ACVR2B: variants seen among roughly 807,000 people sequenced by gnomAD.
ACVR2B encodes activin receptor type-2B.
In ACVR2B, 18 loss-of-function variants were observed where a neutral mutation model predicts 65.1. The observed-to-expected ratio is 0.28, with a 90% CI of 0.19 to 0.41. ACVR2B has a LOEUF of 0.41. ACVR2B is among the 10% of genes least tolerant of loss of function. ACVR2B has a pLI of 1.00. For missense variants in ACVR2B, 482 were observed against 682.7 expected, an observed-to-expected ratio of 0.71 and a Z score of 3.28; for synonymous variants, 298 against 277.7, an observed-to-expected ratio of 1.07 and a Z score of -0.73.
chr3:38,467,780 T>G (rs1575582179), intron 1 of ACVR2B, among the ~76,000 whole-genome samples: 1 of 149,950 alleles, frequency 6.7e-6, no homozygotes, highest in Admixed American at 6.6e-5. Flanking sequence ...CATGGAATAA[T>G]AGAGAATTCT....
chr3:38,479,699 A>G lies in ACVR2B; in HGVS notation c.832A>G (p.Lys278Glu). Residue 278 changes from lysine to glutamate, a missense_variant, in exon 7 of 11, where the codon AAG (lysine) becomes GAG (glutamate). Physicochemically the swap from Lys to Glu is moderately conservative, Grantham distance 56. Transcript: ENST00000352511. ...TCAGGGCTCCCTCACGGATTACCTC[A>G]AGGGGAACATCATCACATGGAACGA... ...HDKGSLTDYL[K>E]GNIITWNELC... 1 of 1,614,194 alleles carries G rather than the reference A, an allele frequency of 6.2e-7. No homozygotes were observed.
intron 1 of ACVR2B, among the ~76,000 whole-genome samples, chr3:38,468,614 A>G (rs1709770996): frequency 6.6e-6 from 1 of 152,064 alleles, no homozygotes; most frequent in East Asian, 1.9e-4. Context: ...CTTTAGACTC[A>G]TTTTTACCCC....
intron 1 of ACVR2B, among the ~76,000 whole-genome samples, chr3:38,464,264 G>C (rs994224319): frequency 9.9e-5 from 15 of 152,230 alleles, no homozygotes; most frequent in African/African-American, 3.6e-4. Context: ...TGGTGTCTCT[G>C]TTGTTCTTGC....
chr3:38,478,532 G>GGGCTCC lies in ACVR2B; in HGVS notation c.666+15_666+20dup, dbSNP rs1709956689. Reference sequence around the variant, plus strand: ...TTCCCACTCCAGGTGAGTGTTTGAGGGGCTCCATCCAGGTCCTCTGCCTCC... The same window carrying GGGCTCC: ...TTCCCACTCCAGGTGAGTGTTTGAGGGGCTCCGGCTCCATCCAGGTCCTCTGCCTCC... On this transcript the variant is annotated intron_variant, in intron 5 of 10. Transcript: ENST00000352511. 2 of 1,613,920 alleles carry GGGCTCC rather than the reference G, an allele frequency of 1.2e-6. No individual in the cohort carries two copies. Among genetic ancestry groups the GGGCTCC allele is most frequent in the Admixed American group, 1.7e-5 (1 of 60,000 alleles).
At chr3:38,455,263 C>A (rs1395404431) in intron 1 of ACVR2B, among the ~76,000 whole-genome samples, 1 of 152,078 alleles carries the variant, frequency 6.6e-6, no homozygotes, top group Non-Finnish European at 1.5e-5. Context: ...GTGCGCCTAA[C>A]CCCGGCGGGC....
Position 38,485,708 on chromosome 3 carries a change from G to A in ACVR2B, c.*2376G>A, listed in dbSNP as rs1321032500. ...TTTTTTTTTTTAATGGTTTGATTTT[G>A]TGCTGTGGTATTTTTTTTCCCTTAG... is the stretch of plus-strand genomic sequence containing the variant. On this transcript the variant is annotated 3_prime_UTR_variant, in exon 11 of 11. Coordinates refer to ENST00000352511, the MANE Select transcript of ACVR2B (RefSeq NM_001106.4). 5 of 76,264 alleles carry A rather than the reference G, an allele frequency of 6.6e-5. No homozygotes were observed. The highest frequency in any genetic ancestry group is 2.8e-4 in the African/African-American group (5 of 17,592). 4.7% of individuals were successfully genotyped at this position (76,264 alleles called of 1,614,324 possible).
Position 38,490,101 on chromosome 3 carries a change from T to TA in ACVR2B, c.*6770dup, listed in dbSNP as rs1319019350. 1 of 152,282 alleles carries TA rather than the reference T, an allele frequency of 6.6e-6. No individual in the cohort carries two copies. The highest frequency in any genetic ancestry group is 2.4e-5 in the African/African-American group (1 of 41,446). 9.4% of individuals were successfully genotyped at this position (152,282 alleles called of 1,614,324 possible). On this transcript the variant is annotated 3_prime_UTR_variant, in exon 11 of 11. Transcript: ENST00000352511. ...AGGAAGCTCAGCATCACTGCCACAA[T>TA]ACGGAAAGTGGTCTTCATTTTAGCC...
At chr3:38,469,797 G>A (rs562832539) in intron 1 of ACVR2B, among the ~76,000 whole-genome samples, 1 of 152,286 alleles carries the variant, frequency 6.6e-6, no homozygotes, top group East Asian at 1.9e-4. Context: ...ACAGTACCAT[G>A]AATAAAGTCA....
In ACVR2B at chr3:38,487,943, T is replaced by G. The variant is rs1201658487; in HGVS notation, c.*4611T>G. On this transcript the variant is annotated 3_prime_UTR_variant, in exon 11 of 11. Coordinates refer to ENST00000352511, the MANE Select transcript of ACVR2B (RefSeq NM_001106.4). ...TTTTGATGGCACACCTTTGGAGAGA[T>G]GGCCACGCCTGATTCCCATTTCAGG... The G allele has an allele frequency of 5.9e-5, 9 of 152,216 alleles. No individual in the cohort carries two copies. The highest frequency in any genetic ancestry group is 1.3e-4 in the Non-Finnish European group (9 of 68,030). 9.4% of individuals were successfully genotyped at this position (152,216 alleles called of 1,614,324 possible). A position where few individuals can be genotyped will look rare whatever the true frequency, so the allele number is the denominator to read the frequency against.
intron 10 of ACVR2B, 31 bp downstream of exon 10, chr3:38,482,591 G>A: frequency 6.2e-7 from 1 of 1,604,572 alleles, no homozygotes; most frequent in Non-Finnish European, 8.5e-7. Context: ...AACTTTGCAG[G>A]GGGGTGGAGA....
At chr3:38,466,808 A>G (rs1709738217) in intron 1 of ACVR2B, among the ~76,000 whole-genome samples, 1 of 152,166 alleles carries the variant, frequency 6.6e-6, no homozygotes, top group Non-Finnish European at 1.5e-5. Flanking sequence ...CGGCCTACAA[A>G]ACTTCTTAAA....
At chr3:38,482,898 A>G (rs1027011940) in intron 10 of ACVR2B, among the ~76,000 whole-genome samples, 4 of 152,134 alleles carry the variant, frequency 2.6e-5, no homozygotes, top group Middle Eastern at 3.2e-3. Flanking sequence ...TTGAGGTTCA[A>G]TGAACCTTTC....
At chr3:38,473,094 G>T (rs1476930837) in intron 1 of ACVR2B, among the ~76,000 whole-genome samples, 2 of 152,164 alleles carry the variant, frequency 1.3e-5, no homozygotes, top group Non-Finnish European at 2.9e-5. Flanking sequence ...CCTGCCAGGA[G>T]GGATGGTTTG....
chr3:38,477,954 G>A lies in ACVR2B; in HGVS notation c.354G>A (p.Glu118=). The A allele has an allele frequency of 6.2e-7, 1 of 1,614,126 alleles. No individual in the cohort carries two copies. The highest frequency in any genetic ancestry group is 1.1e-5 in the South Asian group (1 of 91,084). ...ACGAACGCTTCACTCATTTGCCAGA[G>A]GCTGGGGGCCCGGAAGGTAAGGGGG... The part of the protein sequence containing the change: ...FCNERFTHLP[E]AGGPEVTYEP... Residue 118 remains glutamate (E), a synonymous_variant, in exon 3 of 11, where the codon GAG becomes GAA. Coordinates refer to ENST00000352511, the MANE Select transcript of ACVR2B (RefSeq NM_001106.4). This position sits in a 1 kb window ranked among gnomAD's most constrained non-coding sequence, Gnocchi z 6.7.
At chr3:38,462,997 T>C (rs1709673767) in intron 1 of ACVR2B, among the ~76,000 whole-genome samples, 4 of 152,136 alleles carry the variant, frequency 2.6e-5, no homozygotes. Flanking sequence ...AATGCTAGGT[T>C]ACAGAGTTTA....
Position 38,489,596 on chromosome 3 carries a change from G to A in ACVR2B, c.*6264G>A, listed in dbSNP as rs989651549. 6.6e-6 allele frequency: 1 copy of A among 152,626 alleles called. No individual in the cohort carries two copies. Among genetic ancestry groups the A allele is most frequent in the African/African-American group, 2.4e-5 (1 of 41,446 alleles). The allele number at this position is 152,626 out of a possible 1,614,324, so 9.5% of individuals were successfully genotyped here. ...AGGGCCTGCAATGTGTTTTACATTGGTGCTTCCTCCTGAGATTTCTGTTGA... is the reference window on the plus strand; with the variant it reads ...AGGGCCTGCAATGTGTTTTACATTGATGCTTCCTCCTGAGATTTCTGTTGA... On this transcript the variant is annotated 3_prime_UTR_variant, in exon 11 of 11. Coordinates refer to ENST00000352511, the MANE Select transcript of ACVR2B (RefSeq NM_001106.4).
chr3:38,477,520 C>T lies in ACVR2B; in HGVS notation c.260+26C>T. On this transcript the variant is annotated intron_variant, in intron 2 of 10. Transcript: ENST00000352511. This position sits in a 1 kb window ranked among gnomAD's most constrained non-coding sequence, Gnocchi z 6.7. Reference sequence around the variant, plus strand: ...GTACCCCAAGACTTGCCCTCCTTTCCTCTTGGACCCACCTGCGCTTATACT... The same window carrying T: ...GTACCCCAAGACTTGCCCTCCTTTCTTCTTGGACCCACCTGCGCTTATACT... 6.2e-7 allele frequency: 1 copy of T among 1,608,790 alleles called. No homozygotes were observed. Among genetic ancestry groups the T allele is most frequent in the Non-Finnish European group, 8.5e-7 (1 of 1,177,594 alleles).
At position 38,489,628 on chromosome 3, in the gene ACVR2B, G is replaced by A. The variant is rs1710179242; in HGVS notation, c.*6296G>A. The A allele has an allele frequency of 6.5e-6, 1 of 152,714 alleles. No homozygotes were observed. Among genetic ancestry groups the A allele is most frequent in the Non-Finnish European group, 1.5e-5 (1 of 68,040 alleles). The allele number at this position is 152,714 out of a possible 1,614,324, so 9.5% of individuals were successfully genotyped here. ...CTCCTGAGATTTCTGTTGAACAAAG[G>A]GTTCTGAGGTCAAAAATTAGTTTGT... On this transcript the variant is annotated 3_prime_UTR_variant, in exon 11 of 11. Coordinates refer to ENST00000352511, the MANE Select transcript of ACVR2B (RefSeq NM_001106.4).
rs1559659648 is a variant in ACVR2B, at chr3:38,487,558, C to T, written c.*4226C>T. The T allele has an allele frequency of 1.3e-5, 2 of 152,392 alleles. No homozygotes were observed. Among genetic ancestry groups the T allele is most frequent in the East Asian group, 3.9e-4 (2 of 5,178 alleles). The allele number at this position is 152,392 out of a possible 1,614,324, so 9.4% of individuals were successfully genotyped here. A position where few individuals can be genotyped will look rare whatever the true frequency, so the allele number is the denominator to read the frequency against. On this transcript the variant is annotated 3_prime_UTR_variant, in exon 11 of 11. Coordinates refer to ENST00000352511, the MANE Select transcript of ACVR2B (RefSeq NM_001106.4). ...GCCCAGCTGTGTATTGAATGTCCTT[C>T]ATGTGTTGTGTGTGGCTCAGAAAGC...
Sources: gnomAD v4.1 joint callset for allele counts (sites outside exome capture counted in the v4.1 genomes callset) on GRCh38, gnomAD v4.1.1 for gene constraint, Gnocchi (gnomAD v3.1) non-coding constraint, MANE v1.5 for transcripts, NCBI Gene and HGNC (gene_info 2026-07-23, HGNC 2026-07-21) for gene names.